C1orf21: variants seen among roughly 807,000 people sequenced by gnomAD.
C1orf21 encodes uncharacterized protein C1orf21.
In C1orf21, 3 loss-of-function variants were observed where a neutral mutation model predicts 18.7. That is an observed-to-expected ratio of 0.16 (90% CI 0.07 to 0.42). C1orf21 has a LOEUF of 0.42. Among genes scored for constraint, C1orf21 ranks in the 10% least tolerant of loss-of-function variants. C1orf21 has a pLI of 0.99. For synonymous variants in C1orf21, 41 were observed against 46.4 expected (o/e 0.88, Z 0.47); for missense variants, 104 against 143.6 (o/e 0.72, Z 1.41).
intron 1 of C1orf21, among the ~76,000 whole-genome samples, chr1:184,447,500 T>C (rs1369594343): frequency 6.6e-6 from 1 of 152,158 alleles, no homozygotes; most frequent in African/African-American, 2.4e-5. Flanking sequence ...GTCTACTCTT[T>C]ATCTCCACCT....
intron 1 of C1orf21, among the ~76,000 whole-genome samples, chr1:184,471,476 C>T (rs1657495899): frequency 6.6e-6 from 1 of 152,058 alleles, no homozygotes; most frequent in Non-Finnish European, 1.5e-5. Flanking sequence ...TCATTTCATC[C>T]TTTATATCAC....
intron 3 of C1orf21, among the ~76,000 whole-genome samples, chr1:184,535,743 C>A (rs149615884): frequency 6.6e-6 from 1 of 152,144 alleles, no homozygotes; most frequent in Non-Finnish European, 1.5e-5. Flanking sequence ...GTTCCCATCA[C>A]GTTTGAAGGC....
intron 2 of C1orf21, among the ~76,000 whole-genome samples, chr1:184,505,820 A>G (rs1658052961): frequency 6.6e-6 from 1 of 152,144 alleles, no homozygotes; most frequent in African/African-American, 2.4e-5. Flanking sequence ...GCCAGGATTT[A>G]TAAATATTAA....
chr1:184,470,174 G>C (rs1184621368), intron 1 of C1orf21, among the ~76,000 whole-genome samples: 1 of 152,160 alleles, frequency 6.6e-6, no homozygotes, highest in African/African-American at 2.4e-5. Context: ...GTGTGCTTGG[G>C]TTAGGTCAGC....
chr1:184,561,278 C>T (rs1658959801), intron 3 of C1orf21, among the ~76,000 whole-genome samples: 1 of 152,178 alleles, frequency 6.6e-6, no homozygotes, highest in Admixed American at 6.5e-5. Context: ...GCTCCCTCCT[C>T]CTCCTAATTT....
chr1:184,519,292 A>C (rs1344447050), intron 3 of C1orf21, among the ~76,000 whole-genome samples: 1 of 152,194 alleles, frequency 6.6e-6, no homozygotes, highest in African/African-American at 2.4e-5. Flanking sequence ...AAAGGATAGC[A>C]TCTAGTTTAT....
At chr1:184,454,863 C>G (rs1252118424) in intron 1 of C1orf21, among the ~76,000 whole-genome samples, 5 of 152,000 alleles carry the variant, frequency 3.3e-5, no homozygotes, top group African/African-American at 1.2e-4. Flanking sequence ...TTCTTTATAG[C>G]AGTGCTATAT....
chr1:184,526,066 G>A (rs998243307), intron 3 of C1orf21, among the ~76,000 whole-genome samples: 3 of 152,170 alleles, frequency 2.0e-5, no homozygotes, highest in African/African-American at 7.2e-5. Flanking sequence ...TAGGAAAGTG[G>A]CAGTCATTTT....
intron 3 of C1orf21, among the ~76,000 whole-genome samples, chr1:184,574,195 ACT>A (rs914525909): frequency 3.9e-5 from 6 of 152,192 alleles, no homozygotes; most frequent in African/African-American, 1.2e-4. Flanking sequence ...ACGGAGAAAG[ACT>A]CTGTCTCAAA....
At chr1:184,573,405 G>A (rs767007385) in intron 3 of C1orf21, among the ~76,000 whole-genome samples, 10 of 152,232 alleles carry the variant, frequency 6.6e-5, no homozygotes, top group Middle Eastern at 3.4e-3. Context: ...ATTCCTACGC[G>A]TGATGTTAAC....
chr1:184,548,259 A>T (rs1021711069), intron 3 of C1orf21, among the ~76,000 whole-genome samples: 4 of 149,530 alleles, frequency 2.7e-5, no homozygotes, highest in Non-Finnish European at 4.5e-5. Flanking sequence ...ACACACACTC[A>T]CACACTCACT....
At chr1:184,448,983 G>A (rs1002281357) in intron 1 of C1orf21, among the ~76,000 whole-genome samples, 1 of 152,134 alleles carries the variant, frequency 6.6e-6, no homozygotes, top group Non-Finnish European at 1.5e-5. Context: ...GAATTAAGGT[G>A]ACGAAACTTA....
At chr1:184,599,821 G>A (rs888481100) in intron 5 of C1orf21, among the ~76,000 whole-genome samples, 1 of 152,132 alleles carries the variant, frequency 6.6e-6, no homozygotes, top group Non-Finnish European at 1.5e-5. Context: ...CTTTTTGAGT[G>A]CAGACATGAT....
At chr1:184,434,568 A>G (rs1274262562) in intron 1 of C1orf21, among the ~76,000 whole-genome samples, 2 of 152,224 alleles carry the variant, frequency 1.3e-5, no homozygotes, top group Non-Finnish European at 2.9e-5. Context: ...GAGCAATGCC[A>G]GAAGAAGACA....
chr1:184,399,356 ATTTTTTTTT>A (rs59376994), intron 1 of C1orf21, among the ~76,000 whole-genome samples: 64 of 79,086 alleles, frequency 8.1e-4, no homozygotes, highest in African/African-American at 2.6e-3. Context: ...ATGTACTTCT[ATTTTTTTTT>A]TTTTTTTTTT....
At chr1:184,427,937 C>G (rs76004826) in intron 1 of C1orf21, among the ~76,000 whole-genome samples, 3 of 152,120 alleles carry the variant, frequency 2.0e-5, no homozygotes, top group African/African-American at 7.2e-5. Flanking sequence ...CTTATGTCCA[C>G]TGGACTCCAG....
intron 3 of C1orf21, among the ~76,000 whole-genome samples, chr1:184,553,178 T>C (rs1330070571): frequency 2.0e-5 from 3 of 152,188 alleles, no homozygotes; most frequent in African/African-American, 7.2e-5. Flanking sequence ...GTGTATTTTT[T>C]TTGATTTTAG....
chr1:184,575,609 G>GGTAAAAAAAAAAAAAAAAAAAAAAAAAT (rs1659173992), intron 3 of C1orf21, among the ~76,000 whole-genome samples: 1 of 57,760 alleles, frequency 1.7e-5, no homozygotes. Context: ...AACACAAAAA[G>GGTAAAAAAAAAAAAAAAAAAAAAAAAAT]GTAAAAAAAA....
chr1:184,403,530 G>T (rs1656197580), intron 1 of C1orf21, among the ~76,000 whole-genome samples: 1 of 152,126 alleles, frequency 6.6e-6, no homozygotes, highest in Admixed American at 6.5e-5. Flanking sequence ...GACTTCAGAG[G>T]TGCTTGTGAT....
Sources: allele counts gnomAD v4.1 joint callset (sites outside exome capture counted in the v4.1 genomes callset), GRCh38; gene constraint gnomAD v4.1.1; transcripts MANE v1.5; gene names NCBI Gene and HGNC (gene_info 2026-07-23, HGNC 2026-07-21).